Variants in CLVS1 observed in about 807,000 individuals in gnomAD.
The protein encoded by CLVS1 is clavesin 1.
A neutral mutation model predicts 33.1 loss-of-function variants in CLVS1; 10 were observed. That is an observed-to-expected ratio of 0.30 (90% confidence interval 0.19 to 0.51). CLVS1 has a LOEUF of 0.51. Among genes scored for constraint, CLVS1 ranks in the 20% least tolerant of loss-of-function variants. CLVS1 has a pLI of 0.97. For synonymous variants in CLVS1, 163 were observed against 166.1 expected, an observed-to-expected ratio of 0.98 and a Z score of 0.14; for missense variants, 343 against 433.4, an observed-to-expected ratio of 0.79 and a Z score of 1.85.
chr8:61,480,544 G>T (rs532340759), intron 5 of CLVS1, among the ~76,000 whole-genome samples: 52 of 152,302 alleles, frequency 3.4e-4, no homozygotes, highest in Admixed American at 5.9e-4. Context: ...GTGAGGTGAT[G>T]CCTCACCCTG....
intron 1 of CLVS1, among the ~76,000 whole-genome samples, chr8:61,081,889 C>G (rs1012164745): frequency 6.6e-6 from 1 of 152,128 alleles, no homozygotes; most frequent in African/African-American, 2.4e-5. Flanking sequence ...TTCCTTTTAC[C>G]CAGTACATCC....
chr8:61,076,159 T>G (rs1222055624), intron 1 of CLVS1, among the ~76,000 whole-genome samples: 1 of 152,230 alleles, frequency 6.6e-6, no homozygotes, highest in African/African-American at 2.4e-5. Flanking sequence ...ATTTATTTAT[T>G]CTTTCTCTCT....
chr8:61,094,744 C>A (rs1805318034), intron 1 of CLVS1, among the ~76,000 whole-genome samples: 1 of 152,164 alleles, frequency 6.6e-6, no homozygotes, highest in South Asian at 2.1e-4. Context: ...AGGAAAAAAA[C>A]ATTCATCTCC....
At chr8:60,996,301 T>G in the CLVS1 span, among the ~76,000 whole-genome samples, 1 of 152,222 alleles carries the variant, frequency 6.6e-6, no homozygotes, top group Admixed American at 6.5e-5. Flanking sequence ...TCACATGCCC[T>G]GTGTCACTGG....
intron 1 of CLVS1, among the ~76,000 whole-genome samples, chr8:61,121,462 T>C (rs1289357691): frequency 6.6e-6 from 1 of 152,242 alleles, no homozygotes; most frequent in Admixed American, 6.5e-5. Flanking sequence ...TGTGTGTGTG[T>C]ATGTGAATGC....
At chr8:61,172,829 G>T (rs1171416376) in intron 2 of CLVS1, among the ~76,000 whole-genome samples, 1 of 152,126 alleles carries the variant, frequency 6.6e-6, no homozygotes, top group Non-Finnish European at 1.5e-5. Context: ...TGCCTTCTGT[G>T]GTTGCTACCC....
In CLVS1 at chr8:61,342,299, GA is replaced by G. The variant is rs551252445; in HGVS notation, c.456-34303del. Among the ~76,000 whole-genome samples, 7 of 152,312 alleles carry G rather than the reference GA, an allele frequency of 4.6e-5. No homozygotes were observed. In the East Asian group the frequency reaches 1.4e-3, roughly 29 times the overall value. ...CATTGGCCTGGTGGGAGGATAGAGA[GA>G]AAGGAGAACAAGAGTTCAGCAGAGC... On this transcript the variant is annotated intron_variant, in intron 2 of 5. Coordinates refer to ENST00000325897, the MANE Select transcript of CLVS1 (RefSeq NM_173519.3).
intron 2 of CLVS1, among the ~76,000 whole-genome samples, chr8:61,249,262 A>G (rs1808884057): frequency 6.6e-6 from 1 of 152,064 alleles, no homozygotes; most frequent in African/African-American, 2.4e-5. Context: ...ATCCTTTATT[A>G]TGGCCGTATA....
chr8:61,364,317 A>G (rs1341959604), intron 2 of CLVS1, among the ~76,000 whole-genome samples: 1 of 152,174 alleles, frequency 6.6e-6, no homozygotes, highest in Non-Finnish European at 1.5e-5. Context: ...TGGAAGTCAC[A>G]GCAGCCTTAT....
chr8:61,214,838 G>A (rs962630236), intron 2 of CLVS1, among the ~76,000 whole-genome samples: 2 of 152,128 alleles, frequency 1.3e-5, no homozygotes, highest in Admixed American at 1.3e-4. Context: ...GGCCCACTTG[G>A]CAGCTCTGTT....
In CLVS1 at chr8:61,491,077, C is replaced by A. The variant is rs572162305; in HGVS notation, c.978-8378C>A. Reference sequence around the variant, plus strand: ...CAAACTTCTGTAATTTTGAGACTTTCTAGGCTTTTCTAGAAGGAAGTTAAA... The same window carrying A: ...CAAACTTCTGTAATTTTGAGACTTTATAGGCTTTTCTAGAAGGAAGTTAAA... On this transcript the variant is annotated intron_variant, in intron 5 of 5. Coordinates refer to ENST00000325897, the MANE Select transcript of CLVS1 (RefSeq NM_173519.3). 7.9e-5 allele frequency among the ~76,000 whole-genome samples: 12 copies of A among 152,180 alleles called. No individual in the cohort carries two copies. The East Asian group carries it at 2.3e-3, about 29-fold the overall frequency.
chr8:61,235,654 C>T (rs900688794), intron 2 of CLVS1, among the ~76,000 whole-genome samples: 2 of 152,154 alleles, frequency 1.3e-5, no homozygotes, highest in African/African-American at 4.8e-5. Flanking sequence ...GTACACAATC[C>T]TTTTCCTTGC....
chr8:61,278,100 C>T (rs896003756), intron 2 of CLVS1, among the ~76,000 whole-genome samples: 16 of 152,150 alleles, frequency 1.1e-4, no homozygotes, highest in African/African-American at 3.4e-4. Flanking sequence ...CACTGTAAAT[C>T]TATGCCCTAA....
chr8:61,340,062 A>AGAAAGAAAGAAAAAGAAAG (rs552009116), intron 2 of CLVS1, among the ~76,000 whole-genome samples: 4 of 151,168 alleles, frequency 2.6e-5, no homozygotes, highest in African/African-American at 9.8e-5. Context: ...AAAAAGAAAA[A>AGAAAGAAAGAAAAAGAAAG]GAAAGAAAGA....
intron 5 of CLVS1, among the ~76,000 whole-genome samples, chr8:61,485,086 T>G (rs1178990596): frequency 6.6e-6 from 1 of 151,852 alleles, no homozygotes; most frequent in Non-Finnish European, 1.5e-5. Context: ...AAGCCAAAAT[T>G]GACAAATGGT....
chr8:61,017,213 T>G, the CLVS1 span, among the ~76,000 whole-genome samples: 26,590 of 152,204 alleles, frequency 0.17, 2,584 homozygotes, highest in East Asian at 0.3. Flanking sequence ...AAGCCCCAAA[T>G]AGAGTTAGCC....
At chr8:61,165,770 T>C (rs1806849999) in intron 2 of CLVS1, among the ~76,000 whole-genome samples, 1 of 152,234 alleles carries the variant, frequency 6.6e-6, no homozygotes, top group South Asian at 2.1e-4. Context: ...TCCTGAGGGC[T>C]GTGTCACGGG....
chr8:61,378,818 C>G lies in CLVS1; in HGVS notation c.630+2039C>G, dbSNP rs115540234. On this transcript the variant is annotated intron_variant, in intron 3 of 5. Transcript: ENST00000325897. ...CTGGTTTTGGGATATTCAGATGCCC[C>G]GGTCAATCTACCACTGGCTCTCCTA... Among the ~76,000 whole-genome samples the G allele has an allele frequency of 8.9e-3, 1,358 of 152,260 alleles. 14 individuals carry two copies. The highest frequency in any genetic ancestry group is 0.031 in the African/African-American group (1,274 of 41,536).
At chr8:61,082,499 A>AC (rs138428597) in intron 1 of CLVS1, among the ~76,000 whole-genome samples, 1 of 151,376 alleles carries the variant, frequency 6.6e-6, no homozygotes, top group African/African-American at 2.4e-5. Flanking sequence ...AAACAAACAA[A>AC]AACAACAACA....
Sources: gnomAD v4.1 joint callset for allele counts (sites outside exome capture counted in the v4.1 genomes callset) on GRCh38, gnomAD v4.1.1 for gene constraint, MANE v1.5 for transcripts, NCBI Gene and HGNC (gene_info 2026-07-23, HGNC 2026-07-21) for gene names.